Variants in ABCA13 observed in about 807,000 individuals in gnomAD.
The protein encoded by ABCA13 is ATP binding cassette subfamily A member 13, also known as ATP-binding cassette sub-family A member 13.
ABCA13 carries 476 observed loss-of-function variants against 478.7 expected under a neutral mutation model. The ratio of observed to expected loss-of-function variants is 0.99; its 90% confidence interval spans 0.92 to 1.07. The LOEUF (loss-of-function observed/expected upper bound fraction) is 1.07, where lower values mean the gene tolerates loss of function less well. ABCA13 is among the 50% of genes least tolerant of loss of function. The probability of loss-of-function intolerance (pLI) is 0.00; values close to 1 mark genes in which losing one functional copy is unlikely to be tolerated. For missense variants in ABCA13, 6,060 were observed against 5,910.6 expected (o/e 1.03, Z -0.83); for synonymous variants, 2,252 against 2,158.9 (o/e 1.04, Z -1.20).
chr7:48,274,659 T>A lies in ABCA13; in HGVS notation c.4993T>A (p.Ser1665Thr). 6.2e-7 allele frequency: 1 copy of A among 1,614,004 alleles called. No individual in the cohort carries two copies. The highest frequency in any genetic ancestry group is 8.5e-7 in the Non-Finnish European group (1 of 1,179,848). ...TATGCAAGCTTTGAAGAAGGTAACT[T>A]CTGTCATGCGTACCCTTAAGAAGGC... is the stretch of plus-strand genomic sequence containing the variant. The part of the protein sequence containing the change: ...GYMQALKKVT[S>T]VMRTLKKADI... The change falls in exon 17 of 62, where the codon TCT (serine) becomes ACT (threonine). Residue 1665 changes from serine (S) to threonine (T), a missense_variant. Physicochemically the swap from Ser to Thr is moderately conservative, Grantham distance 58 (BLOSUM62 1). This residue lies in a region of ABCA13 where 4,423 missense variants were observed against 4,309.1 expected (regional missense o/e 1.03). Coordinates refer to ENST00000435803, the MANE Select transcript of ABCA13 (RefSeq NM_152701.5).
intron 59 of ABCA13, among the ~76,000 whole-genome samples, chr7:48,638,911 G>A (rs1794897884): frequency 6.6e-6 from 1 of 152,200 alleles, no homozygotes; most frequent in South Asian, 2.1e-4. Context: ...CTTCAGGCTG[G>A]AGTTTTGAGG....
intron 35 of ABCA13, among the ~76,000 whole-genome samples, chr7:48,379,524 T>C (rs1585081018): frequency 6.6e-6 from 1 of 152,304 alleles, no homozygotes; most frequent in South Asian, 2.1e-4. Flanking sequence ...TTCTCGGTGC[T>C]CAGGCATGAA....
At chr7:48,579,618 TA>T (rs1489739767) in intron 55 of ABCA13, among the ~76,000 whole-genome samples, 3 of 146,450 alleles carry the variant, frequency 2.0e-5, no homozygotes, top group Non-Finnish European at 3.0e-5. Context: ...TACATATTAA[TA>T]AAAAAACAGT....
Position 48,272,580 on chromosome 7 carries a change from A to G in ABCA13, c.2914A>G (p.Ile972Val), listed in dbSNP as rs1300900271. 6.2e-7 allele frequency: 1 copy of G among 1,613,632 alleles called. No homozygotes were observed. The highest frequency in any genetic ancestry group is 2.2e-5 in the East Asian group (1 of 44,862). ...LQIYSSFYRY[I>V]YELLNIQSRG... The stretch of plus-strand genomic sequence containing the variant: ...AATTTATTCTTCATTTTACCGATAT[A>G]TTTATGAATTATTGAATATTCAGAG... Residue 972 changes from isoleucine (I) to valine (V), a missense_variant, in exon 17 of 62, where the codon ATT becomes GTT. Around this residue, in one of 3 missense-constraint regions of ABCA13, gnomAD observed 4,423 missense variants for 4,309.1 expected, o/e 1.03. Transcript: ENST00000435803.
In ABCA13 at chr7:48,646,219, A is replaced by G. The variant is rs1795425727; in HGVS notation, c.*707A>G. On this transcript the variant is annotated 3_prime_UTR_variant, in exon 62 of 62. Coordinates refer to ENST00000435803, the MANE Select transcript of ABCA13 (RefSeq NM_152701.5). ...AGAATCTCCCAGGTTATAATTTATG[A>G]GGGTAGAGAAATAAAATGTAGATGC... 1 of 152,228 alleles carries G rather than the reference A, an allele frequency of 6.6e-6. No homozygotes were observed. Among genetic ancestry groups the G allele is most frequent in the Non-Finnish European group, 1.5e-5 (1 of 68,042 alleles). The allele number at this position is 152,228 out of a possible 1,614,324, so 9.4% of individuals were successfully genotyped here. A position where few individuals can be genotyped will look rare whatever the true frequency, so the allele number is the denominator to read the frequency against.
chr7:48,375,636 A>C (rs186228914), intron 34 of ABCA13, among the ~76,000 whole-genome samples: 67 of 152,224 alleles, frequency 4.4e-4, no homozygotes, highest in Non-Finnish European at 7.6e-4. Flanking sequence ...GTTTTTGTAA[A>C]CAGAGGTAAA....
At chr7:48,396,103 A>G (rs770444347) in intron 38 of ABCA13, among the ~76,000 whole-genome samples, 27 of 152,180 alleles carry the variant, frequency 1.8e-4, no homozygotes, top group Admixed American at 6.5e-4. Flanking sequence ...GCTCCTGCCC[A>G]TGCTGGTTTT....
At chr7:48,643,940 T>G (rs1795275744) in intron 60 of ABCA13, among the ~76,000 whole-genome samples, 1 of 152,150 alleles carries the variant, frequency 6.6e-6, no homozygotes, top group Admixed American at 6.5e-5. Context: ...GACCCGGAGA[T>G]TCCTATGAAC....
chr7:48,616,191 TTAAA>T (rs1375870187), intron 59 of ABCA13, among the ~76,000 whole-genome samples: 3 of 152,192 alleles, frequency 2.0e-5, no homozygotes, highest in Non-Finnish European at 4.4e-5. Context: ...TATGTAAATT[TTAAA>T]TACTTTTAAT....
intron 27 of ABCA13, among the ~76,000 whole-genome samples, chr7:48,325,386 C>G (rs933210806): frequency 6.6e-6 from 1 of 152,178 alleles, no homozygotes; most frequent in Non-Finnish European, 1.5e-5. Context: ...GCCTCAACCT[C>G]CCTCATGCCC....
chr7:48,503,068 T>G (rs1830896724), intron 48 of ABCA13, among the ~76,000 whole-genome samples: 1 of 152,204 alleles, frequency 6.6e-6, no homozygotes, highest in Non-Finnish European at 1.5e-5. Context: ...CAGAACTTAT[T>G]TACATATTTA....
chr7:48,586,163 G>C (rs1789160425), intron 56 of ABCA13, among the ~76,000 whole-genome samples: 1 of 152,086 alleles, frequency 6.6e-6, no homozygotes, highest in Non-Finnish European at 1.5e-5. Flanking sequence ...CAGGCTCTTG[G>C]GTACAGTCTG....
intron 24 of ABCA13, among the ~76,000 whole-genome samples, chr7:48,311,179 A>G (rs1284907699): frequency 6.6e-6 from 1 of 152,124 alleles, no homozygotes; most frequent in African/African-American, 2.4e-5. Context: ...AGCAAAGGGT[A>G]GATTTGCCAT....
At chr7:48,174,763 T>C (rs1303645151) in intron 1 of ABCA13, among the ~76,000 whole-genome samples, 4 of 152,230 alleles carry the variant, frequency 2.6e-5, no homozygotes. Context: ...TTTACGTAAT[T>C]AAAGTCATAG....
intron 55 of ABCA13, among the ~76,000 whole-genome samples, chr7:48,538,791 C>A (rs925779642): frequency 1.3e-5 from 2 of 152,116 alleles, no homozygotes; most frequent in Non-Finnish European, 2.9e-5. Context: ...TTCCTAGACA[C>A]CATAGTTTAA....
chr7:48,416,261 C>T (rs1366631579), intron 41 of ABCA13, among the ~76,000 whole-genome samples: 1 of 152,210 alleles, frequency 6.6e-6, no homozygotes, highest in Non-Finnish European at 1.5e-5. Flanking sequence ...GTCACTGTGG[C>T]CACAGAGGCC....
At position 48,295,805 on chromosome 7, in the gene ABCA13, A is replaced by G. The variant is rs1310085575; in HGVS notation, c.9061A>G (p.Thr3021Ala). 1 of 1,613,852 alleles carries G rather than the reference A, an allele frequency of 6.2e-7. No individual in the cohort carries two copies. Among genetic ancestry groups the G allele is most frequent in the Non-Finnish European group, 8.5e-7 (1 of 1,179,828 alleles). Residue 3021 changes from threonine (T) to alanine (A), a missense_variant, in exon 21 of 62, where the codon ACT (threonine) becomes GCT (alanine). Transcript: ENST00000435803. ...ESFKSSLENA[T>A]GQDCTSQPRL... The stretch of plus-strand genomic sequence containing the variant: ...CTTCAAGAGCAGCTTGGAAAATGCC[A>G]CTGGCCAGGACTGCACAAGCCAGCC...
chr7:48,439,040 C>G (rs1039058621), intron 42 of ABCA13, among the ~76,000 whole-genome samples: 6 of 152,020 alleles, frequency 3.9e-5, no homozygotes, highest in Non-Finnish European at 7.4e-5. Context: ...TTTCCAGTTT[C>G]CAAAATTTAT....
At chr7:48,364,003 T>C (rs1811288433) in intron 31 of ABCA13, among the ~76,000 whole-genome samples, 1 of 152,186 alleles carries the variant, frequency 6.6e-6, no homozygotes, top group Non-Finnish European at 1.5e-5. Context: ...TCTCTTTTTA[T>C]TTCTTGCCCA....
Sources: gnomAD v4.1 joint callset for allele counts (sites outside exome capture counted in the v4.1 genomes callset) on GRCh38, gnomAD v4.1.1 for gene constraint, gnomAD v4.1.1 regional missense constraint, MANE v1.5 for transcripts, NCBI Gene and HGNC (gene_info 2026-07-23, HGNC 2026-07-21) for gene names.